Variants in DDX60 observed in about 807,000 individuals in gnomAD.
DDX60 encodes the protein DExD/H-box helicase 60, also known as probable ATP-dependent RNA helicase DDX60.
In DDX60, 165 loss-of-function variants were observed where a neutral mutation model predicts 212.8. The observed-to-expected ratio is 0.78, with a 90% CI of 0.68 to 0.88. The LOEUF is 0.88. Ranked by LOEUF, DDX60 falls within the 40% of genes least tolerant of loss-of-function variation. The pLI is 0.00. For missense variants in DDX60, 1,905 were observed against 2,003.9 expected (o/e 0.95, Z 0.94); for synonymous variants, 703 against 685.3 (o/e 1.03, Z -0.40).
At chr4:168,252,811 T>C (rs1734267461) in intron 26 of DDX60, among the ~76,000 whole-genome samples, 155 bp from the exon 27 acceptor site, 1 of 152,152 alleles carries the variant, frequency 6.6e-6, no homozygotes, top group African/African-American at 2.4e-5. Flanking sequence ...TATTTTATTT[T>C]ATTTTATTTT....
At chr4:168,223,693 G>C (rs1242319348) in intron 35 of DDX60, among the ~76,000 whole-genome samples, 2 of 151,984 alleles carry the variant, frequency 1.3e-5, no homozygotes, top group East Asian at 3.9e-4. Flanking sequence ...TATTTTAAGT[G>C]ATACATGACT....
At chr4:168,308,314 C>CA (rs1736979805) in intron 3 of DDX60, 119 bp from the exon 4 acceptor site, 2 of 624,306 alleles carry the variant, frequency 3.2e-6, no homozygotes, top group South Asian at 4.2e-5. Flanking sequence ...TGAGTTGTCT[C>CA]ATGGCAGTGT....
rs201088223 is a variant in DDX60, at chr4:168,297,269, AAAAG to A, written c.724-3328_724-3325del. On this transcript the variant is annotated intron_variant, in intron 6 of 37. Coordinates refer to ENST00000393743, the MANE Select transcript of DDX60 (RefSeq NM_017631.6). ...AAACAGGGCTGGAAAGAAAGAAAGA[AAAAG>A]AAAGAAAGAAAGAGAGAGAGAGACG... Among the ~76,000 whole-genome samples, 545 of 138,422 alleles carry A rather than the reference AAAAG, an allele frequency of 3.9e-3. 29 individuals are homozygous for A. The highest frequency in any genetic ancestry group is 9.0e-3 in the African/African-American group (291 of 32,250). The allele number at this position is 138,422 out of a possible 152,430, so 90.8% of individuals were successfully genotyped here.
chr4:168,242,111 A>G (rs949023652), intron 30 of DDX60, among the ~76,000 whole-genome samples: 5 of 152,228 alleles, frequency 3.3e-5, no homozygotes, highest in Non-Finnish European at 7.3e-5. Context: ...ACAGAAGTCA[A>G]GAACTGAGGT....
chr4:168,319,679 G>A (rs939126469), upstream of DDX60, among the ~76,000 whole-genome samples: 2 of 152,016 alleles, frequency 1.3e-5, no homozygotes, highest in South Asian at 2.1e-4. Context: ...CAGTGCCCTC[G>A]TATGCTTGAT....
chr4:168,248,378 C>G (rs780754221), intron 28 of DDX60, 86 bp from the exon 29 acceptor site: 8 of 969,420 alleles, frequency 8.3e-6, no homozygotes, highest in Non-Finnish European at 1.2e-5. Flanking sequence ...CTGAAAAACT[C>G]TTTGAGCTTC....
chr4:168,314,436 A>G (rs114113378), intron 1 of DDX60, among the ~76,000 whole-genome samples: 54 of 152,302 alleles, frequency 3.5e-4, no homozygotes, highest in African/African-American at 9.6e-4. Context: ...AAGACCTTCA[A>G]AATTTTCTAA....
At chr4:168,309,730 A>G (rs998121905) in intron 3 of DDX60, among the ~76,000 whole-genome samples, 2 of 152,224 alleles carry the variant, frequency 1.3e-5, no homozygotes, top group Non-Finnish European at 2.9e-5. Context: ...CAAGAGAAGC[A>G]GTTTCAGCCA....
intron 25 of DDX60, among the ~76,000 whole-genome samples, chr4:168,260,634 A>G (rs1415895376): frequency 6.6e-6 from 1 of 152,108 alleles, no homozygotes; most frequent in Non-Finnish European, 1.5e-5. Context: ...AGGAGCATGC[A>G]ACCTAGATCT....
Position 168,224,297 on chromosome 4 carries a change from A to G in DDX60, c.4770T>C (p.Val1590=), listed in dbSNP as rs757372390. The part of the protein sequence containing the change: ...KEGRVAISPF[V]CLSGNFDDDL... ...CATCATCAAAGTTCCCAGACAGACA[A>G]ACAAATGGTGAAATTGCTACTCTTC... is the stretch of plus-strand genomic sequence containing the variant. Residue 1590 remains valine, a synonymous_variant, in exon 35 of 38, where the codon GTT becomes GTC. Coordinates refer to ENST00000393743, the MANE Select transcript of DDX60 (RefSeq NM_017631.6). 5.0e-6 allele frequency: 8 copies of G among 1,612,574 alleles called. No individual in the cohort carries two copies. The Admixed American group carries it at 1.0e-4, about 20-fold the overall frequency.
At chr4:168,324,675 C>T in the DDX60 span, among the ~76,000 whole-genome samples, 6 of 152,202 alleles carry the variant, frequency 3.9e-5, no homozygotes, top group Middle Eastern at 3.2e-3. Flanking sequence ...GTCCTCAGTT[C>T]GCCAAATAAT....
intron 15 of DDX60, 140 bp downstream of exon 15, chr4:168,275,875 T>G: frequency 1.5e-6 from 1 of 673,104 alleles, no homozygotes. Context: ...ACTTCAAGAT[T>G]GGGCAGTTGG....
In DDX60 at chr4:168,237,284, A is replaced by G. The variant is rs1427802511; in HGVS notation, c.4411+2T>C. On this transcript the variant is annotated splice_donor_variant, in intron 32 of 37. Transcript: ENST00000393743. LOFTEE classifies it high-confidence loss of function. ...CATATATATATAAAATCTCAAGCTTACCTTTCCTGGTTGGCTGACAGAGAT... is the reference window on the plus strand; with the variant it reads ...CATATATATATAAAATCTCAAGCTTGCCTTTCCTGGTTGGCTGACAGAGAT... 2 of 1,534,300 alleles carry G rather than the reference A, an allele frequency of 1.3e-6. No homozygotes were observed. The highest frequency in any genetic ancestry group is 1.8e-6 in the Non-Finnish European group (2 of 1,141,184).
intron 30 of DDX60, among the ~76,000 whole-genome samples, chr4:168,240,171 C>T (rs1404795954): frequency 1.3e-5 from 2 of 152,056 alleles, no homozygotes; most frequent in African/African-American, 4.8e-5. Flanking sequence ...TTACTACAAA[C>T]CAACAACAGA....
chr4:168,287,311 T>C (rs1735903950), intron 9 of DDX60, 108 bp from the exon 10 acceptor site: 2 of 1,073,202 alleles, frequency 1.9e-6, no homozygotes, highest in East Asian at 2.5e-5. Flanking sequence ...ACTTTCCACA[T>C]AGTGAAATTT....
chr4:168,321,845 A>G (rs759681867), upstream of DDX60, among the ~76,000 whole-genome samples: 6 of 152,210 alleles, frequency 3.9e-5, no homozygotes, highest in Non-Finnish European at 5.9e-5. Flanking sequence ...AACCTATTCA[A>G]TTCAATAGAA....
chr4:168,238,724 C>T (rs186048091), intron 30 of DDX60, among the ~76,000 whole-genome samples: 1 of 152,158 alleles, frequency 6.6e-6, no homozygotes, highest in East Asian at 1.9e-4. Context: ...TTCACTATAA[C>T]CACAGAGGTA....
chr4:168,236,984 T>G, intron 32 of DDX60, among the ~76,000 whole-genome samples: 1 of 151,206 alleles, frequency 6.6e-6, no homozygotes, highest in East Asian at 1.9e-4. Context: ...TATATTTAAT[T>G]AGAAGAAAAT....
chr4:168,221,690 T>C (rs1578963110), intron 36 of DDX60, 40 bp downstream of exon 36: 11 of 1,554,442 alleles, frequency 7.1e-6, no homozygotes, highest in Non-Finnish European at 9.6e-6. Flanking sequence ...GAGATGGAGA[T>C]GGGAGGACAG....
Sources: allele counts gnomAD v4.1 joint callset (sites outside exome capture counted in the v4.1 genomes callset), GRCh38; gene constraint gnomAD v4.1.1; transcripts MANE v1.5; gene names NCBI Gene and HGNC (gene_info 2026-07-23, HGNC 2026-07-21).